The following TSHZ2 variants were observed in gnomAD, a reference collection of about 807,000 sequenced individuals.
TSHZ2 encodes teashirt zinc finger homeobox 2.
TSHZ2 carries 21 observed loss-of-function variants against 74.4 expected under a neutral mutation model. The ratio of observed to expected loss-of-function variants is 0.28; its 90% CI spans 0.20 to 0.41. The LOEUF (loss-of-function observed/expected upper bound fraction) is 0.41, where lower values mean the gene tolerates loss of function less well. Ranked by LOEUF, TSHZ2 falls within the 10% of genes least tolerant of loss-of-function variation. TSHZ2 has a pLI of 1.00. For missense variants in TSHZ2, 1,244 were observed against 1,293.5 expected, an observed-to-expected ratio of 0.96 and a Z score of 0.59; for synonymous variants, 540 against 515.3, an observed-to-expected ratio of 1.05 and a Z score of -0.65.
At chr20:53,179,447 G>C (rs894650699) in intron 1 of TSHZ2, 1 of 152,192 alleles carries the variant, frequency 6.6e-6, no homozygotes, top group Non-Finnish European at 1.5e-5. Context: ...CAGCTTTGCA[G>C]ATTTCAGTGC....
intron 1 of TSHZ2, among the ~76,000 whole-genome samples, chr20:53,130,734 G>T (rs1987080312): frequency 6.6e-6 from 1 of 152,218 alleles, no homozygotes; most frequent in African/African-American, 2.4e-5. Flanking sequence ...CTCAGTCGCT[G>T]GATTCAGAGT....
At chr20:53,252,483 A>C (rs1198149476) in intron 1 of TSHZ2, among the ~76,000 whole-genome samples, 5 of 152,236 alleles carry the variant, frequency 3.3e-5, no homozygotes. Context: ...CAGGTGAAGA[A>C]AATGAGCCCA....
At chr20:53,173,633 T>A (rs1988255887) in intron 1 of TSHZ2, among the ~76,000 whole-genome samples, 1 of 151,428 alleles carries the variant, frequency 6.6e-6, no homozygotes, top group African/African-American at 2.4e-5. Flanking sequence ...ATAATAACAA[T>A]AAAGCAGATC....
At chr20:53,476,508 T>G (rs1289976162) in intron 2 of TSHZ2, among the ~76,000 whole-genome samples, 1 of 150,866 alleles carries the variant, frequency 6.6e-6, no homozygotes, top group East Asian at 1.9e-4. Context: ...TGGGACGTAT[T>G]TCAAAATAAT....
At chr20:53,367,815 C>T (rs1981325034) in intron 2 of TSHZ2, among the ~76,000 whole-genome samples, 1 of 152,104 alleles carries the variant, frequency 6.6e-6, no homozygotes, top group South Asian at 2.1e-4. Context: ...TCGTGATCCA[C>T]CCACCTCGGC....
intron 1 of TSHZ2, among the ~76,000 whole-genome samples, chr20:53,155,695 A>G (rs1479639909): frequency 2.0e-5 from 3 of 152,070 alleles, no homozygotes; most frequent in African/African-American, 4.8e-5. Context: ...GGCCCAGGAA[A>G]AATTACAAAA....
chr20:53,411,304 T>C (rs1329414784), intron 2 of TSHZ2, among the ~76,000 whole-genome samples: 1 of 152,128 alleles, frequency 6.6e-6, no homozygotes, highest in East Asian at 1.9e-4. Context: ...CATGAACTTA[T>C]GTAAAGGGAG....
chr20:53,236,152 A>G (rs1295958437), intron 1 of TSHZ2, among the ~76,000 whole-genome samples: 1 of 152,196 alleles, frequency 6.6e-6, no homozygotes, highest in Non-Finnish European at 1.5e-5. Context: ...CCTGATTTTT[A>G]AAAATTTGAC....
chr20:52,985,501 T>C (rs1303490941), intron 1 of TSHZ2, among the ~76,000 whole-genome samples: 1 of 152,202 alleles, frequency 6.6e-6, no homozygotes, highest in African/African-American at 2.4e-5. Flanking sequence ...TAAAACCCCC[T>C]TCTGGGTAGT....
rs572971603 is a variant in TSHZ2, at chr20:53,317,619, A to G, written c.*8+61048A>G. On this transcript the variant is annotated intron_variant, in intron 2 of 2. Coordinates refer to ENST00000371497, the MANE Select transcript of TSHZ2 (RefSeq NM_173485.6). Reference sequence around the variant, plus strand: ...ACATCAGCATGCAGGCCTCGAGTCCAGCAGCACGTTCCAGGGCAGCAAGAA... The same window carrying G: ...ACATCAGCATGCAGGCCTCGAGTCCGGCAGCACGTTCCAGGGCAGCAAGAA... 3.3e-5 allele frequency among the ~76,000 whole-genome samples: 5 copies of G among 152,360 alleles called. No individual in the cohort carries two copies. In the East Asian group the frequency reaches 9.6e-4, roughly 29 times the overall value.
chr20:53,190,638 A>G (rs537646064), intron 1 of TSHZ2, among the ~76,000 whole-genome samples: 17 of 152,358 alleles, frequency 1.1e-4, no homozygotes, highest in African/African-American at 3.1e-4. Context: ...GATGAAAACA[A>G]TACTCAGTAG....
At chr20:53,305,504 T>C (rs902752090) in intron 2 of TSHZ2, among the ~76,000 whole-genome samples, 1 of 152,166 alleles carries the variant, frequency 6.6e-6, no homozygotes, top group Non-Finnish European at 1.5e-5. Context: ...AGTGAATGAC[T>C]GGACTTATAA....
chr20:53,487,997 A>G lies in TSHZ2; in HGVS notation c.*862A>G, dbSNP rs909600182. The G allele has an allele frequency of 6.6e-6, 1 of 152,228 alleles. No individual in the cohort carries two copies. 9.4% of individuals were successfully genotyped at this position (152,228 alleles called of 1,614,324 possible). ...GCAGAATCTGAGAGAACGCGAGAAGATGAGATCATTACAGGGTGGAAAGTT... is the reference window on the plus strand; with the variant it reads ...GCAGAATCTGAGAGAACGCGAGAAGGTGAGATCATTACAGGGTGGAAAGTT... On this transcript the variant is annotated 3_prime_UTR_variant, in exon 3 of 3. Transcript: ENST00000371497.
intron 1 of TSHZ2, among the ~76,000 whole-genome samples, chr20:53,054,329 C>T (rs1332946045): frequency 6.6e-6 from 1 of 152,178 alleles, no homozygotes; most frequent in Non-Finnish European, 1.5e-5. Context: ...TCAATTGATG[C>T]TTGGCAGCTT....
At chr20:53,435,858 A>G (rs927694739) in intron 2 of TSHZ2, among the ~76,000 whole-genome samples, 3 of 152,192 alleles carry the variant, frequency 2.0e-5, no homozygotes, top group African/African-American at 7.2e-5. Context: ...GCTCAAGGTC[A>G]AGCTCTCCCT....
intron 1 of TSHZ2, among the ~76,000 whole-genome samples, chr20:53,039,470 G>A (rs547535570): frequency 1.5e-4 from 23 of 152,168 alleles, no homozygotes; most frequent in African/African-American, 5.3e-4. Context: ...ATATTTATAG[G>A]CCTCTTTCTG....
chr20:53,144,972 G>A (rs1335536432), intron 1 of TSHZ2, among the ~76,000 whole-genome samples: 1 of 152,108 alleles, frequency 6.6e-6, no homozygotes, highest in Non-Finnish European at 1.5e-5. Flanking sequence ...ATTAAAAGAA[G>A]ATGAGAGAGG....
In TSHZ2 at chr20:53,091,559, TGC is replaced by T. The variant is rs1985886735; in HGVS notation, c.40+118227_40+118228del. On this transcript the variant is annotated intron_variant, in intron 1 of 2. Coordinates refer to ENST00000371497, the MANE Select transcript of TSHZ2 (RefSeq NM_173485.6). ...ATTTGCAATATGATTGTATTTTATATGCAAAGCCATACTATTTCTTGGTAGAT... is the reference window on the plus strand; with the variant it reads ...ATTTGCAATATGATTGTATTTTATATAAAGCCATACTATTTCTTGGTAGAT... Among the ~76,000 whole-genome samples the T allele has an allele frequency of 2.6e-5, 4 of 152,376 alleles. 2 individuals carry two copies. Among genetic ancestry groups the T allele is most frequent in the African/African-American group, 9.6e-5 (4 of 41,594 alleles).
At chr20:53,480,857 A>T (rs369479744) in intron 2 of TSHZ2, among the ~76,000 whole-genome samples, 1 of 152,352 alleles carries the variant, frequency 6.6e-6, no homozygotes, top group Non-Finnish European at 1.5e-5. Context: ...GGCATGGCCA[A>T]ATTAAAGCAT....
Sources: allele counts gnomAD v4.1 joint callset (sites outside exome capture counted in the v4.1 genomes callset), GRCh38; gene constraint gnomAD v4.1.1; transcripts MANE v1.5; gene names NCBI Gene and HGNC (gene_info 2026-07-23, HGNC 2026-07-21).